The following ZMYND8 variants were observed in gnomAD, a reference collection of about 807,000 sequenced individuals.
ZMYND8 encodes MYND-type zinc finger-containing chromatin reader ZMYND8.
ZMYND8 carries 37 observed loss-of-function variants against 140.8 expected under a neutral mutation model. The ratio of observed to expected loss-of-function variants is 0.26; its 90% CI spans 0.20 to 0.35. The LOEUF (loss-of-function observed/expected upper bound fraction) is 0.35, where lower values mean the gene tolerates loss of function less well. Ranked by LOEUF, ZMYND8 falls within the 10% of genes least tolerant of loss-of-function variation. ZMYND8 has a pLI of 1.00. For missense variants in ZMYND8, 1,068 were observed against 1,570.0 expected, an observed-to-expected ratio of 0.68 and a Z score of 5.40; for synonymous variants, 592 against 597.1, an observed-to-expected ratio of 0.99 and a Z score of 0.12.
At chr20:47,308,067 G>A (rs981907518) in intron 3 of ZMYND8, among the ~76,000 whole-genome samples, 1 of 147,124 alleles carries the variant, frequency 6.8e-6, no homozygotes, top group East Asian at 2.0e-4. Flanking sequence ...GCAATGAGCC[G>A]AGATCACACC....
At chr20:47,277,073 T>C (rs2147803570) in intron 10 of ZMYND8, among the ~76,000 whole-genome samples, 1 of 152,240 alleles carries the variant, frequency 6.6e-6, no homozygotes, top group African/African-American at 2.4e-5. Flanking sequence ...TCCTCTTTGG[T>C]TTTCTCTTAG....
In ZMYND8 at chr20:47,249,363, G is replaced by T; in HGVS notation, c.1698C>A (p.Ile566=). 1.9e-6 allele frequency: 3 copies of T among 1,614,166 alleles called. No individual in the cohort carries two copies. Among genetic ancestry groups the T allele is most frequent in the Non-Finnish European group, 2.5e-6 (3 of 1,180,024 alleles). The part of the protein sequence containing the change: ...VQQQSTPVPL[I]SPKRQIRSRF... ...TGCTACGAATCTGGCGCTTGGGAGA[G>T]ATGAGAGGAACAGGGGTGGACTGTT... Residue 566 remains isoleucine (I), a synonymous_variant, in exon 13 of 23, where the codon ATC becomes ATA. Transcript: ENST00000471951.
chr20:47,333,675 G>A (rs568379393), intron 2 of ZMYND8, among the ~76,000 whole-genome samples: 7 of 131,490 alleles, frequency 5.3e-5, no homozygotes, highest in South Asian at 2.5e-4. Flanking sequence ...GCAGTGACAC[G>A]AGATAGTGCC....
chr20:47,281,757 G>T (rs2076619902), intron 10 of ZMYND8, among the ~76,000 whole-genome samples: 1 of 152,150 alleles, frequency 6.6e-6, no homozygotes, highest in Non-Finnish European at 1.5e-5. Flanking sequence ...TTGGAAAGCA[G>T]TTTCCATGGA....
chr20:47,276,812 TAA>T lies in ZMYND8; in HGVS notation c.999-19_999-18del, dbSNP rs1259406988. 6.4e-7 allele frequency: 1 copy of T among 1,565,610 alleles called. No homozygotes were observed. The highest frequency in any genetic ancestry group is 8.6e-7 in the Non-Finnish European group (1 of 1,160,022). ...ACCCAGGCCCTAGAAGGGCAAAAGA[TAA>T]AGAGAGTTTAAGTCAACTTCAGTAA... On this transcript the variant is annotated intron_variant, in intron 10 of 22. Coordinates refer to ENST00000471951, the MANE Select transcript of ZMYND8 (RefSeq NM_001281775.3).
chr20:47,247,604 C>T (rs2040722697), intron 13 of ZMYND8, among the ~76,000 whole-genome samples: 1 of 152,176 alleles, frequency 6.6e-6, no homozygotes, highest in South Asian at 2.1e-4. Context: ...ATAATAATAC[C>T]ATATCCTAAA....
intron 3 of ZMYND8, among the ~76,000 whole-genome samples, chr20:47,308,741 A>G (rs2078692132): frequency 6.6e-6 from 1 of 152,226 alleles, no homozygotes; most frequent in Non-Finnish European, 1.5e-5. Flanking sequence ...ACAGCCACGG[A>G]GCAAAAGCAG....
At chr20:47,354,725 C>T (rs906169255) in intron 1 of ZMYND8, 2 of 152,136 alleles carry the variant, frequency 1.3e-5, no homozygotes, top group African/African-American at 2.4e-5. Context: ...CCTGCATTTA[C>T]GGTCATGTCG....
chr20:47,285,693 C>G, intron 8 of ZMYND8: 1 of 985,268 alleles, frequency 1.0e-6, no homozygotes, highest in Non-Finnish European at 1.2e-6. Flanking sequence ...TGATATTCAT[C>G]ACCTTGTTAC....
rs1050647770 is a variant in ZMYND8 at position 47,290,349 on chromosome 20, A to T, written c.661-75T>A. ...CAGTCAGTGACTCTTGTGTCCCCAC[A>T]TAATTTTTGTAGCAGTCATTTGCCA... On this transcript the variant is annotated intron_variant, in intron 6 of 22. Transcript: ENST00000471951. The T allele has an allele frequency of 1.0e-5, 14 of 1,361,658 alleles. No homozygotes were observed. The African/African-American group carries it at 1.9e-4, about 18-fold the overall frequency. The allele number at this position is 1,361,658 out of a possible 1,614,324, so 84.3% of individuals were successfully genotyped here.
rs1290106694 is a variant in ZMYND8 at position 47,210,234 on chromosome 20, T to G, written c.*527A>C. ...TGTGCCGAAACTCCCGATCCCAACA[T>G]GCTGCGTACAGACACACGAGCGAAA... On this transcript the variant is annotated 3_prime_UTR_variant, in exon 23 of 23. Coordinates refer to ENST00000471951, the MANE Select transcript of ZMYND8 (RefSeq NM_001281775.3). 1 of 153,652 alleles carries G rather than the reference T, an allele frequency of 6.5e-6. No individual in the cohort carries two copies. The highest frequency in any genetic ancestry group is 1.5e-5 in the Non-Finnish European group (1 of 68,730). 9.5% of individuals were successfully genotyped at this position (153,652 alleles called of 1,614,324 possible).
Position 47,262,438 on chromosome 20 carries a change from T to C in ZMYND8, c.1481-10A>G. ...GTGGAGGCTGGTGAAGCTGAAAAAG[T>C]ATGGCATTGTTAAAAGACAGGTTTA... On this transcript the variant is annotated splice_polypyrimidine_tract_variant and intron_variant, in intron 11 of 22. Transcript: ENST00000471951. 1 of 1,613,914 alleles carries C rather than the reference T, an allele frequency of 6.2e-7. No homozygotes were observed. Among genetic ancestry groups the C allele is most frequent in the Non-Finnish European group, 8.5e-7 (1 of 1,179,964 alleles).
At chr20:47,341,988 G>A (rs901568674) in intron 2 of ZMYND8, among the ~76,000 whole-genome samples, 1 of 151,688 alleles carries the variant, frequency 6.6e-6, no homozygotes, top group African/African-American at 2.4e-5. Flanking sequence ...GGGTGACAGG[G>A]CGTGACTCCG....
intron 21 of ZMYND8, 54 bp downstream of exon 21, chr20:47,220,204 C>G (rs1440736323): frequency 2.1e-6 from 3 of 1,453,642 alleles, no homozygotes; most frequent in Non-Finnish European, 2.8e-6. Context: ...AATGGCTCCC[C>G]ATCTGCCCAT....
chr20:47,239,409 G>A (rs1349710330), intron 14 of ZMYND8, among the ~76,000 whole-genome samples: 1 of 152,250 alleles, frequency 6.6e-6, no homozygotes, highest in Non-Finnish European at 1.5e-5. Flanking sequence ...AGGGGAGAAT[G>A]AGGCAAACAA....
intron 11 of ZMYND8, among the ~76,000 whole-genome samples, chr20:47,269,756 A>G (rs1312359968): frequency 6.6e-6 from 1 of 152,202 alleles, no homozygotes; most frequent in Non-Finnish European, 1.5e-5. Context: ...AGAGTGAATG[A>G]TTCACGCTAA....
intron 2 of ZMYND8, among the ~76,000 whole-genome samples, chr20:47,314,229 T>A (rs2079193279): frequency 6.6e-6 from 1 of 152,086 alleles, no homozygotes; most frequent in African/African-American, 2.4e-5. Flanking sequence ...CCAGGTGCGG[T>A]GGCTCACGCC....
chr20:47,262,194 T>C (rs1474259888), intron 12 of ZMYND8, 94 bp downstream of exon 12: 1 of 1,556,442 alleles, frequency 6.4e-7, no homozygotes, highest in Non-Finnish European at 8.8e-7. Context: ...AGAAAAGAGT[T>C]GAAGGTTCAA....
At chr20:47,229,472 G>C (rs1316845456) in intron 17 of ZMYND8, among the ~76,000 whole-genome samples, 1 of 152,146 alleles carries the variant, frequency 6.6e-6, no homozygotes. Context: ...TTCACCAGTA[G>C]GTTAACTGAA....
Sources: gnomAD v4.1 joint callset for allele counts (sites outside exome capture counted in the v4.1 genomes callset) on GRCh38, gnomAD v4.1.1 for gene constraint, MANE v1.5 for transcripts, NCBI Gene and HGNC (gene_info 2026-07-23, HGNC 2026-07-21) for gene names.